Variants in ZNF341 observed in about 807,000 individuals in gnomAD.
The protein encoded by ZNF341 is zinc finger protein 341.
Under a neutral mutation model 87.7 loss-of-function variants are expected in ZNF341, and 52 were observed. That is an observed-to-expected ratio of 0.59 (90% confidence interval 0.47 to 0.75). The LOEUF (loss-of-function observed/expected upper bound fraction) is 0.75, where lower values mean the gene tolerates loss of function less well. Among genes scored for constraint, ZNF341 ranks in the 30% least tolerant of loss-of-function variants. The pLI is 0.00. For synonymous variants in ZNF341, 459 were observed against 472.7 expected, an observed-to-expected ratio of 0.97 and a Z score of 0.38; for missense variants, 977 against 1,145.9, an observed-to-expected ratio of 0.85 and a Z score of 2.13.
Position 33,770,219 on chromosome 20 carries a change from G to T in ZNF341, c.1549G>T (p.Asp517Tyr), listed in dbSNP as rs147280029. 2 of 1,613,876 alleles carry T rather than the reference G, an allele frequency of 1.2e-6. No homozygotes were observed. Among genetic ancestry groups the T allele is most frequent in the Non-Finnish European group, 1.7e-6 (2 of 1,180,012 alleles). ...LCGKDFPSLYDLGVHQYSHSL... is the reference protein window; with the variant it reads ...LCGKDFPSLYYLGVHQYSHSL... The stretch of plus-strand genomic sequence containing the variant: ...CGGCAAGGACTTCCCCTCGCTGTAC[G>T]ACCTGGGCGTGCACCAGTACTCCCA... Residue 517 changes from aspartate (D) to tyrosine (Y), a missense_variant, in exon 10 of 15, where the codon GAC becomes TAC. Coordinates refer to ENST00000375200, the MANE Select transcript of ZNF341 (RefSeq NM_001282933.2).
chr20:33,756,095 T>A (rs1240649623), intron 5 of ZNF341, among the ~76,000 whole-genome samples: 3 of 151,878 alleles, frequency 2.0e-5, no homozygotes, highest in Non-Finnish European at 2.9e-5. Flanking sequence ...TGGTGGTGTG[T>A]GCCTGTTATC....
chr20:33,745,386 G>A, intron 3 of ZNF341, 87 bp downstream of exon 3: 1 of 1,330,690 alleles, frequency 7.5e-7, no homozygotes, highest in Non-Finnish European at 1.0e-6. Flanking sequence ...CTATAGCAAT[G>A]GATAAGACAG....
At chr20:33,781,137 T>C (rs1217516997) in intron 10 of ZNF341, among the ~76,000 whole-genome samples, 154 bp from the exon 11 acceptor site, 1 of 152,186 alleles carries the variant, frequency 6.6e-6, no homozygotes, top group African/African-American at 2.4e-5. Flanking sequence ...GGCGCTCAGA[T>C]GAGGACAGGC....
At chr20:33,778,301 T>C (rs2019667659) in intron 10 of ZNF341, among the ~76,000 whole-genome samples, 1 of 152,044 alleles carries the variant, frequency 6.6e-6, no homozygotes, top group Non-Finnish European at 1.5e-5. Flanking sequence ...GGCTTCTTTC[T>C]TTTTCTTTTC....
rs1456365201 is a variant in ZNF341, at chr20:33,747,332, T to TTTCTCAC, written c.340-1590_340-1589insTCTCACT. Among the ~76,000 whole-genome samples, 112 of 150,060 alleles carry TTTCTCAC rather than the reference T, an allele frequency of 7.5e-4. 14 individuals carry two copies. The highest frequency in any genetic ancestry group is 2.8e-3 in the African/African-American group (109 of 39,396). On this transcript the variant is annotated intron_variant, in intron 3 of 14. Coordinates refer to ENST00000375200, the MANE Select transcript of ZNF341 (RefSeq NM_001282933.2). ...CATCTTCTGGCATAAAACAGTCATTTTGGCCGGGCGCGGTGGCTCACGCCT... is the reference window on the plus strand; with the variant it reads ...CATCTTCTGGCATAAAACAGTCATTTTTCTCACTGGCCGGGCGCGGTGGCTCACGCCT...
Position 33,732,163 on chromosome 20 carries a change from C to T in ZNF341, c.31+111C>T. 1 of 796,576 alleles carries T rather than the reference C, an allele frequency of 1.3e-6. No homozygotes were observed. Among genetic ancestry groups the T allele is most frequent in the Non-Finnish European group, 1.5e-6 (1 of 660,114 alleles). The allele number at this position is 796,576 out of a possible 1,614,324, so 49.3% of individuals were successfully genotyped here. A position where few individuals can be genotyped will look rare whatever the true frequency, so the allele number is the denominator to read the frequency against. On this transcript the variant is annotated intron_variant, in intron 1 of 14. Coordinates refer to ENST00000375200, the MANE Select transcript of ZNF341 (RefSeq NM_001282933.2). The surrounding 1 kb of genome is among the most constrained non-coding windows in gnomAD (Gnocchi z 4.5). Reference sequence around the variant, plus strand: ...GCAGCGGCCGCGGGGCGGAGGGCGCCGGGGCTGGAACAGCCGCGGGGCGGG... The same window carrying T: ...GCAGCGGCCGCGGGGCGGAGGGCGCTGGGGCTGGAACAGCCGCGGGGCGGG...
At chr20:33,748,899 C>T in intron 3 of ZNF341, 24 bp from the exon 4 acceptor site, 1 of 1,597,046 alleles carries the variant, frequency 6.3e-7, no homozygotes, top group Non-Finnish European at 8.6e-7. Flanking sequence ...CCGTCTCACT[C>T]ATTCTCTCTC....
chr20:33,743,277 C>G (rs1203768957), intron 2 of ZNF341, among the ~76,000 whole-genome samples: 10 of 151,802 alleles, frequency 6.6e-5, no homozygotes, highest in Non-Finnish European at 1.5e-4. Context: ...AGGTGATCCG[C>G]CTGCCTCAGC....
chr20:33,769,168 G>A (rs74693961), intron 9 of ZNF341, among the ~76,000 whole-genome samples: 5,586 of 152,118 alleles, frequency 0.037, 329 homozygotes, highest in African/African-American at 0.13. Context: ...TAGAGTCCTA[G>A]TCAATGGAAA....
At chr20:33,753,618 G>T (rs150918796) in intron 5 of ZNF341, among the ~76,000 whole-genome samples, 195 bp downstream of exon 5, 2 of 152,286 alleles carry the variant, frequency 1.3e-5, no homozygotes, top group East Asian at 3.9e-4. Flanking sequence ...ACCCACAGAT[G>T]TAAGATGCAA....
At position 33,740,897 on chromosome 20, in the gene ZNF341, T is replaced by C; in HGVS notation, c.32-5T>C. ...CTTCCAAAGAGGCTGCACTTCTTTT[T>C]TCAGGAATGGACAATCAGACCGTTC... On this transcript the variant is annotated splice_polypyrimidine_tract_variant and splice_region_variant and intron_variant, in intron 1 of 14. Transcript: ENST00000375200. 3 of 1,613,870 alleles carry C rather than the reference T, an allele frequency of 1.9e-6. No homozygotes were observed. The highest frequency in any genetic ancestry group is 2.5e-6 in the Non-Finnish European group (3 of 1,179,810).
rs2122698154 is a variant in ZNF341 at position 33,766,948 on chromosome 20, C to T, written c.1320C>T (p.Leu440=). 1 of 1,614,210 alleles carries T rather than the reference C, an allele frequency of 6.2e-7. No individual in the cohort carries two copies. Among genetic ancestry groups the T allele is most frequent in the Non-Finnish European group, 8.5e-7 (1 of 1,180,032 alleles). The stretch of plus-strand genomic sequence containing the variant: ...AGCCGGAGTCCAAGCAGGTGGTCCT[C>T]ATCGACAGCTCCTACCTGTGCCAAT... ...GDKPESKQVV[L]IDSSYLCQFC... The change falls in exon 9 of 15, where the codon CTC becomes CTT. Residue 440 remains leucine, a synonymous_variant. Coordinates refer to ENST00000375200, the MANE Select transcript of ZNF341 (RefSeq NM_001282933.2).
chr20:33,741,552 C>T (rs1412765903), intron 2 of ZNF341, among the ~76,000 whole-genome samples: 2 of 152,014 alleles, frequency 1.3e-5, no homozygotes, highest in Non-Finnish European at 2.9e-5. Flanking sequence ...TACAGGCGTG[C>T]GCCACCACGC....
chr20:33,757,448 T>A, intron 6 of ZNF341, 105 bp downstream of exon 6: 3 of 1,031,790 alleles, frequency 2.9e-6, no homozygotes, highest in Non-Finnish European at 3.9e-6. Context: ...TGGTTGCATG[T>A]AATAGAAAAT....
chr20:33,791,195 A>AGAG lies in ZNF341; in HGVS notation c.2248_2250dup (p.Arg750dup), dbSNP rs1221145095. 1 of 1,612,736 alleles carries AGAG rather than the reference A, an allele frequency of 6.2e-7. No individual in the cohort carries two copies. The highest frequency in any genetic ancestry group is 8.5e-7 in the Non-Finnish European group (1 of 1,179,790). ...GACCTGCAAACCCGGCGGCCCCCCC[A>AGAG]GAGGAGGGCAGCCCCCCGCAGTTGC... On this transcript the variant is annotated inframe_insertion, in exon 15 of 15. Coordinates refer to ENST00000375200, the MANE Select transcript of ZNF341 (RefSeq NM_001282933.2).
At chr20:33,746,303 G>A (rs1296326525) in intron 3 of ZNF341, among the ~76,000 whole-genome samples, 3 of 139,996 alleles carry the variant, frequency 2.1e-5, no homozygotes, top group Admixed American at 7.6e-5. Context: ...GCAGGATCTC[G>A]GCTCACTGCA....
At chr20:33,740,846 A>G (rs2122634841) in intron 1 of ZNF341, 56 bp from the exon 2 acceptor site, 2 of 1,524,732 alleles carry the variant, frequency 1.3e-6, no homozygotes, top group African/African-American at 1.4e-5. Flanking sequence ...TGTAAGGGTG[A>G]TGTCAGAGCA....
chr20:33,789,387 T>C (rs1183874496), intron 13 of ZNF341, 131 bp from the exon 14 acceptor site: 1 of 909,818 alleles, frequency 1.1e-6, no homozygotes, highest in Non-Finnish European at 1.8e-6. Flanking sequence ...CCTGCCTCAC[T>C]TCCCACCCTA....
chr20:33,780,653 G>A (rs560610078), intron 10 of ZNF341, among the ~76,000 whole-genome samples: 18 of 151,376 alleles, frequency 1.2e-4, no homozygotes, highest in South Asian at 2.1e-4. Flanking sequence ...CAGGTGATGC[G>A]CCTGCCTCGG....
Sources: gnomAD v4.1 joint callset for allele counts (sites outside exome capture counted in the v4.1 genomes callset) on GRCh38, gnomAD v4.1.1 for gene constraint, Gnocchi (gnomAD v3.1) non-coding constraint, MANE v1.5 for transcripts, NCBI Gene and HGNC (gene_info 2026-07-23, HGNC 2026-07-21) for gene names.